The following LRRC66 variants were observed in gnomAD, a reference collection of about 807,000 sequenced individuals.
LRRC66 encodes leucine-rich repeat-containing protein 66.
LRRC66 carries 29 observed loss-of-function variants against 24.6 expected under a neutral mutation model. The ratio of observed to expected loss-of-function variants is 1.18; its 90% CI spans 0.88 to 1.61. LRRC66 has a LOEUF of 1.61. Ranked by LOEUF, LRRC66 falls within the 40% of genes most tolerant of loss-of-function variation. The pLI is 0.00. For synonymous variants in LRRC66, 411 were observed against 397.6 expected, an observed-to-expected ratio of 1.03 and a Z score of -0.40; for missense variants, 1,124 against 1,058.0, an observed-to-expected ratio of 1.06 and a Z score of -0.87.
At chr4:52,015,330 GA>G (rs1336531965) in intron 2 of LRRC66, among the ~76,000 whole-genome samples, 5 of 145,610 alleles carry the variant, frequency 3.4e-5, no homozygotes, top group South Asian at 2.2e-4. Flanking sequence ...GGGTTTTGAA[GA>G]AAAAAAAAAG....
chr4:52,001,802 T>A (rs1560558449), intron 3 of LRRC66, among the ~76,000 whole-genome samples: 1 of 152,124 alleles, frequency 6.6e-6, no homozygotes, highest in Non-Finnish European at 1.5e-5. Flanking sequence ...TGGTTGGAAG[T>A]GGGGAGTTGG....
intron 3 of LRRC66, among the ~76,000 whole-genome samples, chr4:51,999,660 C>T (rs1486893104): frequency 6.6e-6 from 1 of 151,938 alleles, no homozygotes; most frequent in African/African-American, 2.4e-5. Context: ...TATTATATTA[C>T]AAATCATGGA....
In LRRC66 at chr4:52,004,477, G is replaced by C. The variant is rs138537788; in HGVS notation, c.497-1085C>G. Among the ~76,000 whole-genome samples the C allele has an allele frequency of 2.0e-3, 302 of 152,280 alleles. 2 individuals carry two copies. In the East Asian group the frequency reaches 0.022, roughly 11 times the overall value. On this transcript the variant is annotated intron_variant, in intron 2 of 4. Transcript: ENST00000682860. ...TGGTCTCTGCCTTTGTATTTCACTTGATTTCAGAGAGTAACCAGGAGGTCC... is the reference window on the plus strand; with the variant it reads ...TGGTCTCTGCCTTTGTATTTCACTTCATTTCAGAGAGTAACCAGGAGGTCC...
chr4:52,005,571 A>G (rs2030334), intron 2 of LRRC66, among the ~76,000 whole-genome samples: 132,109 of 150,390 alleles, frequency 0.88, 58,203 homozygotes, highest in East Asian at 0.95. Context: ...TGGGGCAACA[A>G]AGTGAGACTC....
chr4:51,995,547 C>T lies in LRRC66; in HGVS notation c.1475G>A (p.Gly492Glu). ...TCCACTTCCTGCCCCGGTGTTGTCC[C>T]CGCACTGTCCTGGGCTCTGCGAACT... ...PGSSQSPGQC[G>E]DNTGAGSGND... The change falls in exon 5 of 5, where the codon GGG becomes GAG. Residue 492 changes from glycine (G) to glutamate (E), a missense_variant. By Grantham distance (98) the Gly-to-Glu change is moderately conservative. Coordinates refer to ENST00000682860, the MANE Select transcript of LRRC66 (RefSeq NM_001024611.3). 2 of 1,614,172 alleles carry T rather than the reference C, an allele frequency of 1.2e-6. No homozygotes were observed. The highest frequency in any genetic ancestry group is 1.7e-6 in the Non-Finnish European group (2 of 1,180,022).
intron 1 of LRRC66, 59 bp from the exon 2 acceptor site, chr4:52,017,677 AAGC>A (rs1359489402): frequency 1.4e-6 from 2 of 1,431,666 alleles, no homozygotes; most frequent in African/African-American, 1.4e-5. Flanking sequence ...TAACAGCAAT[AAGC>A]AGCAAATTTA....
chr4:52,017,629 G>A lies in LRRC66; in HGVS notation c.-5-11C>T, dbSNP rs1361301534. The A allele has an allele frequency of 6.6e-7, 1 of 1,523,506 alleles. No homozygotes were observed. Among genetic ancestry groups the A allele is most frequent in the African/African-American group, 1.4e-5 (1 of 71,836 alleles). 94.4% of individuals were successfully genotyped at this position (1,523,506 alleles called of 1,614,324 possible). ...GGTTTTTCATAATGCCTGGAAAAAGGAAAATGAATTGACTTATTCACAATA... is the reference window on the plus strand; with the variant it reads ...GGTTTTTCATAATGCCTGGAAAAAGAAAAATGAATTGACTTATTCACAATA... On this transcript the variant is annotated splice_polypyrimidine_tract_variant and intron_variant, in intron 1 of 4. Transcript: ENST00000682860.
intron 2 of LRRC66, among the ~76,000 whole-genome samples, chr4:52,011,959 C>T (rs994289205): frequency 7.9e-5 from 12 of 152,042 alleles, no homozygotes; most frequent in Non-Finnish European, 1.3e-4. Flanking sequence ...CTGAGGCAGG[C>T]GGATCACTTG....
At chr4:52,006,902 A>G (rs1473275139) in intron 2 of LRRC66, among the ~76,000 whole-genome samples, 1 of 152,134 alleles carries the variant, frequency 6.6e-6, no homozygotes, top group Non-Finnish European at 1.5e-5. Flanking sequence ...AGTTCAGGGA[A>G]GTTAAGAACT....
chr4:51,994,605 G>T lies in LRRC66; in HGVS notation c.2417C>A (p.Pro806His), dbSNP rs751387667. ...TDRSEGLSPWPRSPGNSPLGD... is the reference protein window; with the variant it reads ...TDRSEGLSPWHRSPGNSPLGD... Reference sequence around the variant, plus strand: ...TAAGGGACTATTCCCTGGTGACCTGGGCCAGGGTGACAGGCCCTCAGATCT... The same window carrying T: ...TAAGGGACTATTCCCTGGTGACCTGTGCCAGGGTGACAGGCCCTCAGATCT... The change falls in exon 5 of 5, where the codon CCC becomes CAC. Residue 806 changes from proline (P) to histidine (H), a missense_variant. Coordinates refer to ENST00000682860, the MANE Select transcript of LRRC66 (RefSeq NM_001024611.3). The T allele has an allele frequency of 6.2e-7, 1 of 1,614,166 alleles. No individual in the cohort carries two copies. The highest frequency in any genetic ancestry group is 8.5e-7 in the Non-Finnish European group (1 of 1,180,036).
chr4:51,998,009 G>A (rs1736364072), intron 3 of LRRC66, 72 bp from the exon 4 acceptor site: 1 of 1,295,970 alleles, frequency 7.7e-7, no homozygotes, highest in African/African-American at 1.5e-5. Context: ...ATGAGTTACA[G>A]AAAACTACTG....
In LRRC66 at chr4:51,994,527, G is replaced by C; in HGVS notation, c.2495C>G (p.Ser832Cys). The part of the protein sequence containing the change: ...FTYDYDTALQ[S>C]KAAEWHCSLR... The stretch of plus-strand genomic sequence containing the variant: ...TGAGCAATGCCATTCTGCTGCCTTG[G>C]ATTGAAGAGCTGTGTCATAATCATA... The change falls in exon 5 of 5, where the codon TCC (serine) becomes TGC (cysteine). Residue 832 changes from serine (S) to cysteine (C), a missense_variant. Transcript: ENST00000682860. The C allele has an allele frequency of 1.9e-6, 3 of 1,614,090 alleles. No homozygotes were observed. Among genetic ancestry groups the C allele is most frequent in the Non-Finnish European group, 2.5e-6 (3 of 1,179,976 alleles).
chr4:52,018,530 G>C, intron 1 of LRRC66: 2 of 985,322 alleles, frequency 2.0e-6, no homozygotes, highest in Non-Finnish European at 2.4e-6. Flanking sequence ...TTTCATCACT[G>C]CAGTCTGAAA....
chr4:51,995,035 C>T lies in LRRC66; in HGVS notation c.1987G>A (p.Asp663Asn). ...GGAGGAAAGACTGATGGGCCTGTGT[C>T]TCTTGGGTCACCGTATGGAACCTCG... ...YSEVPYGDPR[D>N]TGPSVFPPRW... The change falls in exon 5 of 5, where the codon GAC becomes AAC. Residue 663 changes from aspartate to asparagine, a missense_variant. Coordinates refer to ENST00000682860, the MANE Select transcript of LRRC66 (RefSeq NM_001024611.3). The T allele has an allele frequency of 6.2e-7, 1 of 1,614,152 alleles. No homozygotes were observed. Among genetic ancestry groups the T allele is most frequent in the Non-Finnish European group, 8.5e-7 (1 of 1,180,044 alleles).
chr4:52,005,762 G>A (rs1720142022), intron 2 of LRRC66, among the ~76,000 whole-genome samples: 1 of 151,960 alleles, frequency 6.6e-6, no homozygotes, highest in South Asian at 2.1e-4. Context: ...CAGCCCTGCT[G>A]CCCTGAGCAC....
chr4:51,994,506 C>T lies in LRRC66; in HGVS notation c.2516G>A (p.Cys839Tyr). ...TGAAAATTCTAAGTCTCTAAGTGAG[C>T]AATGCCATTCTGCTGCCTTGGATTG... ...ALQSKAAEWH[C>Y]SLRDLEFSNV... is the part of the protein sequence containing the mutation. The change falls in exon 5 of 5, where the codon TGC becomes TAC. Residue 839 changes from cysteine to tyrosine, a missense_variant. Coordinates refer to ENST00000682860, the MANE Select transcript of LRRC66 (RefSeq NM_001024611.3). 1 of 1,614,170 alleles carries T rather than the reference C, an allele frequency of 6.2e-7. No homozygotes were observed. The highest frequency in any genetic ancestry group is 8.5e-7 in the Non-Finnish European group (1 of 1,180,026).
At chr4:52,014,844 C>CT (rs1560562520) in intron 2 of LRRC66, among the ~76,000 whole-genome samples, 1 of 152,214 alleles carries the variant, frequency 6.6e-6, no homozygotes, top group African/African-American at 2.4e-5. Flanking sequence ...ATTCATCTCT[C>CT]TATGTCTTCA....
intron 2 of LRRC66, among the ~76,000 whole-genome samples, chr4:52,013,466 T>G (rs1330146626): frequency 6.6e-6 from 1 of 152,234 alleles, no homozygotes; most frequent in African/African-American, 2.4e-5. Flanking sequence ...CCAAAAATAC[T>G]GCTTGATGAA....
chr4:52,017,432 G>A lies in LRRC66; in HGVS notation c.182C>T (p.Thr61Ile), dbSNP rs1433520421. ...KCDIPVDISQ[T>I]AATVDVSFNF... is the part of the protein sequence containing the mutation. ...GAAACTTACATCCACAGTGGCTGCT[G>A]TCTGTGATATGTCCACAGGTATATC... The change falls in exon 2 of 5, where the codon ACA becomes ATA. Residue 61 changes from threonine to isoleucine, a missense_variant. Transcript: ENST00000682860. The A allele has an allele frequency of 6.2e-6, 10 of 1,614,074 alleles. No homozygotes were observed. The highest frequency in any genetic ancestry group is 5.1e-6 in the Non-Finnish European group (6 of 1,179,960).
Sources: gnomAD v4.1 joint callset for allele counts (sites outside exome capture counted in the v4.1 genomes callset) on GRCh38, gnomAD v4.1.1 for gene constraint, MANE v1.5 for transcripts, NCBI Gene and HGNC (gene_info 2026-07-23, HGNC 2026-07-21) for gene names.